Variants in TMEM272 observed in about 807,000 individuals in gnomAD.
The protein encoded by TMEM272 is long intergenic non-protein coding RNA 282.
TMEM272 carries 8 observed loss-of-function variants against 3.7 expected under a neutral mutation model. The observed-to-expected ratio is 2.17, with a 90% confidence interval of 1.27 to 3.91. The LOEUF is 3.91. Ranked by LOEUF, TMEM272 falls within the 30% of genes most tolerant of loss-of-function variation. TMEM272 has a pLI of 0.00. For synonymous variants in TMEM272, 63 were observed against 39.8 expected, an observed-to-expected ratio of 1.58 and a Z score of -2.20; for missense variants, 166 against 91.5, an observed-to-expected ratio of 1.81 and a Z score of -3.32.
the TMEM272 span, among the ~76,000 whole-genome samples, chr13:51,869,985 A>G: frequency 6.6e-6 from 1 of 152,202 alleles, no homozygotes; most frequent in Non-Finnish European, 1.5e-5. Context: ...TTCTTCCATG[A>G]CTGATCCTAT....
chr13:51,916,064 C>T, the TMEM272 span, among the ~76,000 whole-genome samples: 2,332 of 152,194 alleles, frequency 0.015, 55 homozygotes, highest in African/African-American at 0.053. Flanking sequence ...CAGAGGGAGA[C>T]CTCTTCTCAA....
At chr13:51,874,069 T>C in the TMEM272 span, among the ~76,000 whole-genome samples, 1 of 152,130 alleles carries the variant, frequency 6.6e-6, no homozygotes, top group Admixed American at 6.5e-5. Context: ...ATGAAAGTCA[T>C]TGTGTGAGGG....
the TMEM272 span, among the ~76,000 whole-genome samples, chr13:51,868,689 C>T: frequency 2.6e-5 from 4 of 152,194 alleles, no homozygotes; most frequent in African/African-American, 9.7e-5. Context: ...AAAGCACAGG[C>T]AAATATCTAT....
chr13:51,873,288 G>A, the TMEM272 span, among the ~76,000 whole-genome samples: 2 of 152,178 alleles, frequency 1.3e-5, no homozygotes, highest in East Asian at 1.9e-4. Flanking sequence ...GAATAGTGTG[G>A]TCTACTACAT....
the TMEM272 span, among the ~76,000 whole-genome samples, chr13:51,878,773 CCTTCA>C: frequency 6.6e-6 from 1 of 152,236 alleles, no homozygotes; most frequent in South Asian, 2.1e-4. Context: ...ATGACTCTTC[CCTTCA>C]CTATATGAAG....
At chr13:51,833,087 C>T (rs560284705) in intron 2 of TMEM272, among the ~76,000 whole-genome samples, 1 of 152,148 alleles carries the variant, frequency 6.6e-6, no homozygotes, top group East Asian at 1.9e-4. Context: ...GGATTTTTGA[C>T]GGGCTGAGTT....
the TMEM272 span, among the ~76,000 whole-genome samples, chr13:51,901,594 C>T: frequency 4.6e-5 from 7 of 152,158 alleles, no homozygotes; most frequent in South Asian, 2.1e-4. Flanking sequence ...TAACTACCCC[C>T]GGAGAAGCCT....
At chr13:51,892,496 C>T in the TMEM272 span, among the ~76,000 whole-genome samples, 2 of 152,112 alleles carry the variant, frequency 1.3e-5, no homozygotes, top group Non-Finnish European at 2.9e-5. Context: ...GGCTTCTGTG[C>T]CCACTTGCTT....
At chr13:51,881,879 T>C in the TMEM272 span, among the ~76,000 whole-genome samples, 1 of 152,120 alleles carries the variant, frequency 6.6e-6, no homozygotes, top group Non-Finnish European at 1.5e-5. Flanking sequence ...GGTATTCCAT[T>C]ACAGCACCCC....
the TMEM272 span, among the ~76,000 whole-genome samples, chr13:51,928,970 G>T: frequency 6.6e-6 from 1 of 152,338 alleles, no homozygotes. Flanking sequence ...AGGCCAAGAT[G>T]AGGGGATCAC....
chr13:51,898,796 TA>T, the TMEM272 span, among the ~76,000 whole-genome samples: 1 of 151,794 alleles, frequency 6.6e-6, no homozygotes, highest in African/African-American at 2.4e-5. Context: ...CCCAGCATGC[TA>T]AAAAGGTAAT....
the TMEM272 span, among the ~76,000 whole-genome samples, chr13:51,880,537 G>T: frequency 1.3e-5 from 2 of 151,966 alleles, no homozygotes; most frequent in Non-Finnish European, 2.9e-5. Context: ...AAAGTTAAAT[G>T]ACAGAACAAT....
the TMEM272 span, among the ~76,000 whole-genome samples, chr13:51,917,629 G>A: frequency 6.6e-6 from 1 of 152,196 alleles, no homozygotes; most frequent in African/African-American, 2.4e-5. Context: ...CCTCAGGGCT[G>A]TGTAGAAGGG....
intron 4 of TMEM272, among the ~76,000 whole-genome samples, chr13:51,819,117 C>G (rs1956058128): frequency 6.6e-6 from 1 of 152,188 alleles, no homozygotes; most frequent in Admixed American, 6.5e-5. Context: ...CACAGTAGAG[C>G]TGACTCATCC....
the TMEM272 span, among the ~76,000 whole-genome samples, chr13:51,932,201 C>T: frequency 6.6e-6 from 1 of 152,124 alleles, no homozygotes; most frequent in Admixed American, 6.5e-5. Flanking sequence ...CCCCCGGCCA[C>T]CCCAAGATGC....
intron 1 of TMEM272, among the ~76,000 whole-genome samples, chr13:51,841,138 T>C (rs1956259688): frequency 6.6e-6 from 1 of 152,222 alleles, no homozygotes; most frequent in Non-Finnish European, 1.5e-5. Flanking sequence ...AGCCCAGTTA[T>C]CTAAAGGGGC....
the TMEM272 span, among the ~76,000 whole-genome samples, chr13:51,906,438 A>C: frequency 2.4e-3 from 370 of 152,348 alleles, no homozygotes; most frequent in Non-Finnish European, 3.6e-3. Flanking sequence ...AACTAGGATA[A>C]TGAGGCCTAA....
chr13:51,925,450 T>A, the TMEM272 span, among the ~76,000 whole-genome samples: 1 of 152,148 alleles, frequency 6.6e-6, no homozygotes, highest in Non-Finnish European at 1.5e-5. Flanking sequence ...GAATTAACTT[T>A]TTTCTTTCCT....
At chr13:51,869,491 ATTTT>A in the TMEM272 span, among the ~76,000 whole-genome samples, 2 of 142,818 alleles carry the variant, frequency 1.4e-5, no homozygotes, top group African/African-American at 2.6e-5. Context: ...CAATTCAGTA[ATTTT>A]TTTTTTTTTT....
Sources: gnomAD v4.1 joint callset for allele counts (sites outside exome capture counted in the v4.1 genomes callset) on GRCh38, gnomAD v4.1.1 for gene constraint, MANE v1.5 for transcripts, NCBI Gene and HGNC (gene_info 2026-07-23, HGNC 2026-07-21) for gene names.